Variants in DNM3 observed in about 807,000 individuals in gnomAD.
DNM3 encodes dynamin-3.
DNM3 carries 47 observed loss-of-function variants against 101.6 expected under a neutral mutation model. The observed-to-expected ratio is 0.46, with a 90% CI of 0.37 to 0.59. DNM3 has a LOEUF of 0.59. Among genes scored for constraint, DNM3 ranks in the 20% least tolerant of loss-of-function variants. The pLI, the probability that DNM3 is intolerant of heterozygous loss-of-function variation, is 0.00. For missense variants in DNM3, 849 were observed against 1,085.7 expected (o/e 0.78, Z 3.06); for synonymous variants, 385 against 387.9 (o/e 0.99, Z 0.09).
At chr1:172,228,474 T>C (rs2061218417) in intron 14 of DNM3, among the ~76,000 whole-genome samples, 1 of 152,146 alleles carries the variant, frequency 6.6e-6, no homozygotes, top group Admixed American at 6.6e-5. Context: ...CTAATTTTTA[T>C]ATTAAATTTA....
intron 2 of DNM3, among the ~76,000 whole-genome samples, chr1:171,933,668 C>T (rs951790457): frequency 2.6e-5 from 4 of 151,874 alleles, no homozygotes; most frequent in African/African-American, 9.7e-5. Context: ...ACTGTTGCTG[C>T]AACAGCAAGA....
intron 14 of DNM3, among the ~76,000 whole-genome samples, chr1:172,234,944 G>A (rs1191399071): frequency 6.6e-6 from 1 of 152,148 alleles, no homozygotes; most frequent in East Asian, 1.9e-4. Flanking sequence ...GCATGGGCAA[G>A]GACTTCATGA....
intron 11 of DNM3, among the ~76,000 whole-genome samples, chr1:172,072,065 C>T (rs2052241047): frequency 6.6e-6 from 1 of 152,104 alleles, no homozygotes; most frequent in Non-Finnish European, 1.5e-5. Flanking sequence ...AAAAGCTATT[C>T]ATGACAGCCT....
intron 14 of DNM3, among the ~76,000 whole-genome samples, chr1:172,243,957 T>A (rs1004221061): frequency 5.9e-5 from 9 of 152,112 alleles, no homozygotes; most frequent in African/African-American, 1.9e-4. Context: ...GCTGGTGCGC[T>A]GCACCCACTA....
chr1:171,926,503 C>T (rs1440454059), intron 2 of DNM3, among the ~76,000 whole-genome samples: 1 of 152,094 alleles, frequency 6.6e-6, no homozygotes, highest in African/African-American at 2.4e-5. Context: ...GATCTTGGCC[C>T]CTTTGTCAAA....
chr1:172,192,319 C>A (rs186495741), intron 14 of DNM3, among the ~76,000 whole-genome samples: 191 of 150,884 alleles, frequency 1.3e-3, no homozygotes, highest in African/African-American at 4.0e-3. Context: ...ATATGTTGAA[C>A]CAGCCTTGCA....
At chr1:172,239,631 A>C (rs2148643199) in intron 14 of DNM3, among the ~76,000 whole-genome samples, 1 of 152,136 alleles carries the variant, frequency 6.6e-6, no homozygotes, top group East Asian at 1.9e-4. Context: ...TGTCTCCAGA[A>C]GCTGAGGATA....
intron 2 of DNM3, among the ~76,000 whole-genome samples, chr1:171,977,011 T>G (rs369572343): frequency 6.6e-6 from 1 of 152,192 alleles, no homozygotes; most frequent in Non-Finnish European, 1.5e-5. Flanking sequence ...CATTTTGCTT[T>G]TAATTACTCT....
At chr1:172,377,407 C>T (rs921216886) in intron 17 of DNM3, among the ~76,000 whole-genome samples, 10 of 151,724 alleles carry the variant, frequency 6.6e-5, no homozygotes, top group South Asian at 2.1e-4. Flanking sequence ...CTAAACACAA[C>T]GGCAAAATCT....
chr1:172,370,993 A>T (rs921647443), intron 17 of DNM3, among the ~76,000 whole-genome samples: 2 of 152,006 alleles, frequency 1.3e-5, no homozygotes, highest in Non-Finnish European at 2.9e-5. Context: ...AAGTGTTTGT[A>T]TCTGTGGGTT....
chr1:172,128,989 C>G (rs766049212), intron 13 of DNM3, among the ~76,000 whole-genome samples: 5 of 152,184 alleles, frequency 3.3e-5, no homozygotes, highest in African/African-American at 7.2e-5. Flanking sequence ...AAGATATCTA[C>G]TGATACGTAG....
At chr1:172,034,801 C>G (rs10218805) in intron 6 of DNM3, among the ~76,000 whole-genome samples, 61,043 of 151,684 alleles carry the variant, frequency 0.4, 13,250 homozygotes, top group East Asian at 0.64. Flanking sequence ...TTTTCACTGT[C>G]GGGGGAAGGC....
intron 4 of DNM3, among the ~76,000 whole-genome samples, chr1:171,999,145 A>T (rs970743106): frequency 1.3e-5 from 2 of 152,048 alleles, no homozygotes; most frequent in African/African-American, 4.8e-5. Context: ...GCATGAATGT[A>T]AGCAAGGAGA....
rs531317937 is a variant in DNM3 at position 172,017,636 on chromosome 1, G to C, written c.590-14766G>C. 2.2e-3 allele frequency among the ~76,000 whole-genome samples: 332 copies of C among 152,266 alleles called. 2 individuals carry two copies. The highest frequency in any genetic ancestry group is 5.4e-3 in the South Asian group (26 of 4,826). ...ATCTTCGTGAGTGTCCATGAACTTA[G>C]TCAAGTTCATGTGAACTAGAGAAAA... On this transcript the variant is annotated intron_variant, in intron 4 of 20. Coordinates refer to ENST00000627582, the MANE Select transcript of DNM3 (RefSeq NM_015569.5).
chr1:171,946,794 A>G (rs911703158), intron 2 of DNM3, among the ~76,000 whole-genome samples: 1 of 152,208 alleles, frequency 6.6e-6, no homozygotes, highest in East Asian at 1.9e-4. Context: ...GCATGTGCAG[A>G]ACATATGTCA....
At chr1:172,046,920 A>G (rs78634342) in intron 9 of DNM3, among the ~76,000 whole-genome samples, 1,822 of 152,296 alleles carry the variant, frequency 0.012, 20 homozygotes, top group Non-Finnish European at 0.021. Context: ...ATTACCATAT[A>G]CAGCTTTTGT....
At chr1:171,984,486 G>A (rs1034643814) in intron 2 of DNM3, among the ~76,000 whole-genome samples, 2 of 152,090 alleles carry the variant, frequency 1.3e-5, no homozygotes, top group African/African-American at 4.8e-5. Flanking sequence ...ACTCTGCCCG[G>A]ATGCCCTTCC....
intron 17 of DNM3, among the ~76,000 whole-genome samples, chr1:172,341,719 C>T (rs142211942): frequency 1.6e-4 from 25 of 151,942 alleles, no homozygotes; most frequent in Admixed American, 5.9e-4. Flanking sequence ...TCACCATAAA[C>T]GAAAATTAAC....
In DNM3 at chr1:172,038,438, A is replaced by G. The variant is rs756253027; in HGVS notation, c.969A>G (p.Thr323=). The G allele has an allele frequency of 8.1e-6, 13 of 1,613,150 alleles. No homozygotes were observed. Among genetic ancestry groups the G allele is most frequent in the Non-Finnish European group, 1.1e-5 (13 of 1,179,446 alleles). Reference sequence around the variant, plus strand: ...AAAATTTCAAACCAGAAGACCCAACAAGGAAGACCAAAGCATTGCTGCAGT... The same window carrying G: ...AAAATTTCAAACCAGAAGACCCAACGAGGAAGACCAAAGCATTGCTGCAGT... ...AYKNFKPEDP[T]RKTKALLQMV... The change falls in exon 7 of 21, where the codon ACA becomes ACG. Residue 323 remains threonine (T), a synonymous_variant. Transcript: ENST00000627582.
Sources: gnomAD v4.1 joint callset for allele counts (sites outside exome capture counted in the v4.1 genomes callset) on GRCh38, gnomAD v4.1.1 for gene constraint, MANE v1.5 for transcripts, NCBI Gene and HGNC (gene_info 2026-07-23, HGNC 2026-07-21) for gene names.